HSP90B1: variants seen among roughly 807,000 people sequenced by gnomAD.
HSP90B1 encodes the protein endoplasmin.
Under a neutral mutation model 100.4 loss-of-function variants are expected in HSP90B1, and 27 were observed. That is an observed-to-expected ratio of 0.27 (90% CI 0.20 to 0.37). The LOEUF (loss-of-function observed/expected upper bound fraction) is 0.37. Among genes scored for constraint, HSP90B1 ranks in the 10% least tolerant of loss-of-function variants. HSP90B1 has a pLI of 1.00. For synonymous variants in HSP90B1, 304 were observed against 330.8 expected (o/e 0.92, Z 0.88); for missense variants, 678 against 960.5 (o/e 0.71, Z 3.89).
chr12:103,943,664 G>T lies in HSP90B1; in HGVS notation c.1891-74G>T. The T allele has an allele frequency of 7.1e-7, 1 of 1,408,996 alleles. No individual in the cohort carries two copies. Among genetic ancestry groups the T allele is most frequent in the South Asian group, 1.3e-5 (1 of 76,984 alleles). 87.3% of individuals were successfully genotyped at this position (1,408,996 alleles called of 1,614,324 possible). ...TATGATCTTAAGTGATAAAGTCTTA[G>T]ACAGTTGAAAGACAATTGCTCAATG... On this transcript the variant is annotated intron_variant, in intron 13 of 17. Coordinates refer to ENST00000299767, the MANE Select transcript of HSP90B1 (RefSeq NM_003299.3). This position sits in a 1 kb window ranked among gnomAD's most constrained non-coding sequence, Gnocchi z 5.3.
chr12:103,933,654 C>T (rs1869828364), intron 4 of HSP90B1, among the ~76,000 whole-genome samples: 1 of 152,230 alleles, frequency 6.6e-6, no homozygotes, highest in African/African-American at 2.4e-5. Context: ...ATAGGCAAGA[C>T]ATAAAATTTT....
chr12:103,931,458 C>CTATTTGAT, intron 1 of HSP90B1, 63 bp from the exon 2 acceptor site: 1 of 1,320,686 alleles, frequency 7.6e-7, no homozygotes, highest in Admixed American at 1.8e-5. Flanking sequence ...CTACCCTTCC[C>CTATTTGAT]TATTTGATCA....
In HSP90B1 at chr12:103,937,722, T is replaced by G; in HGVS notation, c.771T>G (p.Asp257Glu). ...TTGTCTTAAAAGAAGAAGCATCTGATTACCTTGAATTGGATACAATTAAAA... is the reference window on the plus strand; with the variant it reads ...TTGTCTTAAAAGAAGAAGCATCTGAGTACCTTGAATTGGATACAATTAAAA... ...ITLVLKEEAS[D>E]YLELDTIKNL... Residue 257 changes from aspartate to glutamate, a missense_variant, in exon 6 of 18, where the codon GAT becomes GAG. Asp to Glu is a conservative substitution (Grantham distance 45). Transcript: ENST00000299767. 6.3e-7 allele frequency: 1 copy of G among 1,595,044 alleles called. No homozygotes were observed. The highest frequency in any genetic ancestry group is 8.6e-7 in the Non-Finnish European group (1 of 1,164,116).
chr12:103,936,008 G>T (rs779648008), intron 5 of HSP90B1, among the ~76,000 whole-genome samples: 39 of 152,180 alleles, frequency 2.6e-4, no homozygotes, highest in Admixed American at 1.2e-3. Flanking sequence ...CCATGACCAT[G>T]CATATCTTTT....
intron 16 of HSP90B1, among the ~76,000 whole-genome samples, 177 bp downstream of exon 16, chr12:103,947,118 T>G (rs1409909256): frequency 2.0e-5 from 3 of 152,254 alleles, no homozygotes; most frequent in Non-Finnish European, 4.4e-5. Context: ...CACTAGAAAC[T>G]AAGTCCTCCT....
At chr12:103,942,457 C>A in intron 11 of HSP90B1, 70 bp from the exon 12 acceptor site, 2 of 1,431,548 alleles carry the variant, frequency 1.4e-6, no homozygotes, top group Non-Finnish European at 1.9e-6. Flanking sequence ...CACACTCCTG[C>A]CTGGGTACCT....
chr12:103,942,781 G>T lies in HSP90B1; in HGVS notation c.1629G>T (p.Gly543=). ...AAGACAAAATCTACTTCATGGCTGG[G>T]TCCAGCAGAAAAGAGGTGAGATGAA... The part of the protein sequence containing the change: ...EKQDKIYFMA[G]SSRKEAESSP... Residue 543 remains glycine (G), a synonymous_variant, in exon 12 of 18, where the codon GGG becomes GGT. Coordinates refer to ENST00000299767, the MANE Select transcript of HSP90B1 (RefSeq NM_003299.3). 1.2e-6 allele frequency: 2 copies of T among 1,613,870 alleles called. No individual in the cohort carries two copies. The highest frequency in any genetic ancestry group is 1.7e-6 in the Non-Finnish European group (2 of 1,179,806).
Position 103,944,497 on chromosome 12 carries a change from G to A in HSP90B1, c.2027+623G>A, listed in dbSNP as rs545152085. On this transcript the variant is annotated intron_variant, in intron 14 of 17. Transcript: ENST00000299767. The stretch of plus-strand genomic sequence containing the variant: ...TTTATTCTCTCTTCTTTCACCTGGA[G>A]TATGTTTCTGATATGCTATCTAGTC... Among the ~76,000 whole-genome samples, 7 of 151,912 alleles carry A rather than the reference G, an allele frequency of 4.6e-5. No homozygotes were observed. In the South Asian group the frequency reaches 6.3e-4, roughly 14 times the overall value.
intron 4 of HSP90B1, among the ~76,000 whole-genome samples, chr12:103,933,253 A>G (rs1869817330): frequency 6.6e-6 from 1 of 152,266 alleles, no homozygotes; most frequent in African/African-American, 2.4e-5. Flanking sequence ...GGCCCTTTAC[A>G]GAAAAAGTTT....
intron 5 of HSP90B1, among the ~76,000 whole-genome samples, chr12:103,936,891 T>C (rs1869935870): frequency 6.6e-6 from 1 of 152,172 alleles, no homozygotes; most frequent in African/African-American, 2.4e-5. Flanking sequence ...TCATGGCTAC[T>C]TATTGGCCAG....
At position 103,943,139 on chromosome 12, in the gene HSP90B1, AC is replaced by A; in HGVS notation, c.1712del (p.Pro571LeufsTer26). ...KGYEVIYLTE[P>X]VDEYCIQALP... ...GCTATGAAGTTATTTACCTCACAGA[AC>A]CTGTGGATGAATACTGTATTCAGGC... On this transcript the variant is annotated frameshift_variant, in exon 13 of 18. Coordinates refer to ENST00000299767, the MANE Select transcript of HSP90B1 (RefSeq NM_003299.3). LOFTEE classifies it high-confidence loss of function. The surrounding 1 kb of genome is among the most constrained non-coding windows in gnomAD (Gnocchi z 5.3). The A allele has an allele frequency of 6.2e-7, 1 of 1,614,124 alleles. No homozygotes were observed. Among genetic ancestry groups the A allele is most frequent in the Non-Finnish European group, 8.5e-7 (1 of 1,179,974 alleles).
At position 103,930,932 on chromosome 12, in the gene HSP90B1, C is replaced by T. The variant is rs1368448613; in HGVS notation, c.49+368C>T. On this transcript the variant is annotated intron_variant, in intron 1 of 17. Coordinates refer to ENST00000299767, the MANE Select transcript of HSP90B1 (RefSeq NM_003299.3). The surrounding 1 kb of genome is among the most constrained non-coding windows in gnomAD (Gnocchi z 4.4). ...CTTCGGCCATCCCAGCTTTCCCGTCCCCTAATTCCCCAGACTCCGACTCCT... is the reference window on the plus strand; with the variant it reads ...CTTCGGCCATCCCAGCTTTCCCGTCTCCTAATTCCCCAGACTCCGACTCCT... Among the ~76,000 whole-genome samples, 6 of 151,790 alleles carry T rather than the reference C, an allele frequency of 4.0e-5. No homozygotes were observed. The East Asian group carries it at 1.2e-3, about 29-fold the overall frequency.
chr12:103,932,244 T>C, intron 2 of HSP90B1, 33 bp from the exon 3 acceptor site: 1 of 1,579,586 alleles, frequency 6.3e-7, no homozygotes, highest in Non-Finnish European at 8.6e-7. Flanking sequence ...AACTATGCCA[T>C]GCAATATTTG....
chr12:103,930,582 A>C lies in HSP90B1; in HGVS notation c.49+18A>C. ...GACCTTCGGTGAGTGATTCTGGAGG[A>C]GCAGACGTCCCCCCTCCACACACGC... is the stretch of plus-strand genomic sequence containing the variant. On this transcript the variant is annotated intron_variant, in intron 1 of 17. Coordinates refer to ENST00000299767, the MANE Select transcript of HSP90B1 (RefSeq NM_003299.3). This position sits in a 1 kb window ranked among gnomAD's most constrained non-coding sequence, Gnocchi z 4.4. 1 of 1,602,324 alleles carries C rather than the reference A, an allele frequency of 6.2e-7. No homozygotes were observed. Among genetic ancestry groups the C allele is most frequent in the Non-Finnish European group, 8.5e-7 (1 of 1,175,482 alleles).
At chr12:103,931,119 A>T (rs1387030471) in intron 1 of HSP90B1, among the ~76,000 whole-genome samples, 1 of 152,182 alleles carries the variant, frequency 6.6e-6, no homozygotes, top group Non-Finnish European at 1.5e-5. Flanking sequence ...TCCCCTCGCC[A>T]GAGGTTGCAT....
intron 5 of HSP90B1, among the ~76,000 whole-genome samples, chr12:103,936,906 C>T (rs1869936434): frequency 6.6e-6 from 1 of 152,152 alleles, no homozygotes; most frequent in Non-Finnish European, 1.5e-5. Flanking sequence ...GGCCAGGTAC[C>T]ACTAAACTAA....
Position 103,943,466 on chromosome 12 carries a change from G to T in HSP90B1, c.1890+147G>T, listed in dbSNP as rs1870136611. 1.3e-5 allele frequency: 10 copies of T among 798,352 alleles called. No homozygotes were observed. In the South Asian group the frequency reaches 2.0e-4, roughly 16 times the overall value. The allele number at this position is 798,352 out of a possible 1,614,324, so 49.5% of individuals were successfully genotyped here. On this transcript the variant is annotated intron_variant, in intron 13 of 17. Coordinates refer to ENST00000299767, the MANE Select transcript of HSP90B1 (RefSeq NM_003299.3). The surrounding 1 kb of genome is among the most constrained non-coding windows in gnomAD (Gnocchi z 5.3). Reference sequence around the variant, plus strand: ...AATGTAATTAAATTATTGGGAGAAAGCTTAAAACTTTCGACAATACTGCTT... The same window carrying T: ...AATGTAATTAAATTATTGGGAGAAATCTTAAAACTTTCGACAATACTGCTT...
At position 103,947,366 on chromosome 12, in the gene HSP90B1, A is replaced by T; in HGVS notation, c.2318A>T (p.Asp773Val). 6.2e-7 allele frequency: 1 copy of T among 1,609,120 alleles called. No individual in the cohort carries two copies. Among genetic ancestry groups the T allele is most frequent in the Non-Finnish European group, 8.5e-7 (1 of 1,175,688 alleles). ...PEETAEDTTE[D>V]TEQDEDEEMD... ...GAGACAGCAGAAGACACAACAGAAGACACAGAGCAAGACGAAGATGAAGAA... is the reference window on the plus strand; with the variant it reads ...GAGACAGCAGAAGACACAACAGAAGTCACAGAGCAAGACGAAGATGAAGAA... The change falls in exon 17 of 18, where the codon GAC (aspartate) becomes GTC (valine). Residue 773 changes from aspartate (D) to valine (V), a missense_variant. Coordinates refer to ENST00000299767, the MANE Select transcript of HSP90B1 (RefSeq NM_003299.3).
intron 11 of HSP90B1, 110 bp downstream of exon 11, chr12:103,942,007 A>C: frequency 1.3e-6 from 1 of 769,402 alleles, no homozygotes; most frequent in South Asian, 1.5e-5. Flanking sequence ...ATGATTCTTC[A>C]GATGAATTTC....
Sources: allele counts gnomAD v4.1 joint callset (sites outside exome capture counted in the v4.1 genomes callset), GRCh38; gene constraint gnomAD v4.1.1; non-coding constraint Gnocchi (gnomAD v3.1); transcripts MANE v1.5; gene names NCBI Gene and HGNC (gene_info 2026-07-23, HGNC 2026-07-21).